Variants in COL4A4 observed in about 807,000 individuals in gnomAD.
COL4A4 encodes collagen alpha-4(IV) chain.
In COL4A4, 105 loss-of-function variants were observed where a neutral mutation model predicts 192.9. That is an observed-to-expected ratio of 0.54 (90% CI 0.46 to 0.64). COL4A4 has a LOEUF of 0.64. Among genes scored for constraint, COL4A4 ranks in the 30% least tolerant of loss-of-function variants. The probability of loss-of-function intolerance (pLI) is 0.00; values close to 1 mark genes in which losing one functional copy is unlikely to be tolerated. For missense variants in COL4A4, 1,967 were observed against 2,169.3 expected (o/e 0.91, Z 1.85); for synonymous variants, 762 against 769.9 (o/e 0.99, Z 0.17).
intron 44 of COL4A4, 39 bp from the exon 45 acceptor site, chr2:227,012,336 A>T: frequency 6.7e-7 from 1 of 1,484,284 alleles, no homozygotes. Context: ...GAAAGCAACC[A>T]TGACACCTGC....
chr2:227,045,062 C>T lies in COL4A4; in HGVS notation c.3290-1878G>A, dbSNP rs79756496. ...TAACATCACAGGCCCCCATTTTGGA[C>T]TACCCTGAGCTTATGAAATCTTCCT... On this transcript the variant is annotated intron_variant, in intron 35 of 47. Transcript: ENST00000396625. Among the ~76,000 whole-genome samples the T allele has an allele frequency of 4.7e-3, 715 of 152,218 alleles. 7 individuals carry two copies. Among genetic ancestry groups the T allele is most frequent in the African/African-American group, 0.016 (673 of 41,552 alleles).
At chr2:226,974,012 G>A in the COL4A4 span, among the ~76,000 whole-genome samples, 1 of 152,120 alleles carries the variant, frequency 6.6e-6, no homozygotes, top group African/African-American at 2.4e-5. Context: ...GCCCCTCACC[G>A]CCTTTCCACA....
At chr2:227,115,026 T>C (rs891116420) in intron 7 of COL4A4, among the ~76,000 whole-genome samples, 1 of 152,046 alleles carries the variant, frequency 6.6e-6, no homozygotes, top group Non-Finnish European at 1.5e-5. Context: ...TGTTAATTTA[T>C]GCCCTAGAAA....
chr2:227,143,230 T>C (rs1559732136), intron 3 of COL4A4, among the ~76,000 whole-genome samples: 1 of 152,196 alleles, frequency 6.6e-6, no homozygotes, highest in Non-Finnish European at 1.5e-5. Flanking sequence ...TAACCAGTTG[T>C]TGTTGAAGGA....
the COL4A4 span, among the ~76,000 whole-genome samples, chr2:226,987,764 A>G: frequency 6.6e-6 from 1 of 152,198 alleles, no homozygotes; most frequent in African/African-American, 2.4e-5. Flanking sequence ...AGCATTTCTC[A>G]GTGACTTGAT....
At chr2:227,055,369 G>A (rs115032402) in intron 30 of COL4A4, among the ~76,000 whole-genome samples, 3,477 of 150,740 alleles carry the variant, frequency 0.023, 139 homozygotes, top group African/African-American at 0.079. Flanking sequence ...AAAATTAGGC[G>A]TGGTGGCACA....
In COL4A4 at chr2:227,031,936, C is replaced by A. The variant is rs13423714; in HGVS notation, c.3817+9G>T. On this transcript the variant is annotated intron_variant, in intron 40 of 47. Coordinates refer to ENST00000396625, the MANE Select transcript of COL4A4 (RefSeq NM_000092.5). ...AGCACTGCCATCCTTTGTCATGATTCTCTCATACCTCTTGGGCCATCAGGA... is the reference window on the plus strand; with the variant it reads ...AGCACTGCCATCCTTTGTCATGATTATCTCATACCTCTTGGGCCATCAGGA... 6.3e-7 allele frequency: 1 copy of A among 1,587,898 alleles called. No homozygotes were observed. Among genetic ancestry groups the A allele is most frequent in the Non-Finnish European group, 8.6e-7 (1 of 1,156,908 alleles).
At chr2:227,034,480 C>T (rs1041388783) in intron 37 of COL4A4, among the ~76,000 whole-genome samples, 5 of 152,080 alleles carry the variant, frequency 3.3e-5, no homozygotes, top group Non-Finnish European at 7.4e-5. Flanking sequence ...TTCTTCCCAG[C>T]CTCTGGTCAA....
the COL4A4 span, among the ~76,000 whole-genome samples, chr2:226,971,571 G>T: frequency 0.015 from 2,271 of 152,280 alleles, 47 homozygotes; most frequent in African/African-American, 0.052. Flanking sequence ...CCACTTTCAG[G>T]TCATAATCCA....
intron 22 of COL4A4, among the ~76,000 whole-genome samples, chr2:227,084,408 T>C (rs1166832444): frequency 6.6e-6 from 1 of 152,192 alleles, no homozygotes; most frequent in Non-Finnish European, 1.5e-5. Context: ...GTCTGAGCAG[T>C]GTATTACTCA....
At chr2:226,972,589 C>T in the COL4A4 span, among the ~76,000 whole-genome samples, 6 of 152,288 alleles carry the variant, frequency 3.9e-5, no homozygotes, top group South Asian at 4.1e-4. Flanking sequence ...GCTTCATGGA[C>T]GGAGCTTCTG....
At chr2:227,007,663 G>T (rs1269529073) in intron 47 of COL4A4, 75 bp from the exon 48 acceptor site, 4 of 1,582,640 alleles carry the variant, frequency 2.5e-6, no homozygotes, top group African/African-American at 2.7e-5. Flanking sequence ...GACACACCCA[G>T]GTTTGGGTCT....
At chr2:227,012,360 G>T in intron 44 of COL4A4, 63 bp from the exon 45 acceptor site, 1 of 1,320,558 alleles carries the variant, frequency 7.6e-7, no homozygotes, top group Non-Finnish European at 1.1e-6. Context: ...CATTTACCGT[G>T]CTTATACCGT....
At position 227,007,160 on chromosome 2, in the gene COL4A4, T is replaced by G. The variant is rs1962315428; in HGVS notation, c.*165A>C. The G allele has an allele frequency of 1.0e-6, 1 of 953,480 alleles. No homozygotes were observed. Among genetic ancestry groups the G allele is most frequent in the South Asian group, 1.4e-5 (1 of 74,060 alleles). The allele number at this position is 953,480 out of a possible 1,614,324, so 59.1% of individuals were successfully genotyped here. ...CAAATCCATCTGTGCAGCATTTGCT[T>G]AATGTGTAAGGAACCAGAGGACTCT... On this transcript the variant is annotated 3_prime_UTR_variant, in exon 48 of 48. Coordinates refer to ENST00000396625, the MANE Select transcript of COL4A4 (RefSeq NM_000092.5).
chr2:227,061,690 G>A (rs753209860), intron 26 of COL4A4, among the ~76,000 whole-genome samples: 7 of 152,180 alleles, frequency 4.6e-5, no homozygotes, highest in African/African-American at 7.2e-5. Context: ...TAATGAACGG[G>A]TAGGGAACTC....
Position 227,007,091 on chromosome 2 carries a change from A to T in COL4A4, c.*234T>A. Reference sequence around the variant, plus strand: ...TAAAGCCAGTTCTTCGATCATCCTCAGTAAAATAAGAGTATCTAGGCTCCC... The same window carrying T: ...TAAAGCCAGTTCTTCGATCATCCTCTGTAAAATAAGAGTATCTAGGCTCCC... On this transcript the variant is annotated 3_prime_UTR_variant, in exon 48 of 48. Coordinates refer to ENST00000396625, the MANE Select transcript of COL4A4 (RefSeq NM_000092.5). 1.6e-6 allele frequency: 1 copy of T among 626,504 alleles called. No individual in the cohort carries two copies. Among genetic ancestry groups the T allele is most frequent in the South Asian group, 1.9e-5 (1 of 53,918 alleles). 38.8% of individuals were successfully genotyped at this position (626,504 alleles called of 1,614,324 possible). A position where few individuals can be genotyped will look rare whatever the true frequency, so the allele number is the denominator to read the frequency against.
intron 10 of COL4A4, 119 bp from the exon 11 acceptor site, chr2:227,108,987 G>T: frequency 9.4e-7 from 1 of 1,067,160 alleles, no homozygotes; most frequent in Non-Finnish European, 1.5e-6. Flanking sequence ...AAAACATGCA[G>T]TGATGGAGTT....
At position 227,004,029 on chromosome 2, in the gene COL4A4, T is replaced by C. The variant is rs1031151752; in HGVS notation, c.*3296A>G. 6.6e-6 allele frequency: 1 copy of C among 152,222 alleles called. No homozygotes were observed. Among genetic ancestry groups the C allele is most frequent in the Non-Finnish European group, 1.5e-5 (1 of 68,038 alleles). The allele number at this position is 152,222 out of a possible 1,614,324, so 9.4% of individuals were successfully genotyped here. A position where few individuals can be genotyped will look rare whatever the true frequency, so the allele number is the denominator to read the frequency against. ...CTTATATGCAGAGCTGAACACCTAA[T>C]GCCTAATGATGTTTATGGAATTGTC... On this transcript the variant is annotated 3_prime_UTR_variant, in exon 48 of 48. Transcript: ENST00000396625.
intron 37 of COL4A4, among the ~76,000 whole-genome samples, chr2:227,041,806 A>AAAGAAAGAAAGAAAGAAAGAGAAAGAAAG: frequency 4.4e-5 from 1 of 22,606 alleles, no homozygotes; most frequent in African/African-American, 2.7e-4. Context: ...GAAAGAAAGG[A>AAAGAAAGAAAGAAAGAAAGAGAAAGAAAG]AGAAAGAAAG....
Sources: allele counts gnomAD v4.1 joint callset (sites outside exome capture counted in the v4.1 genomes callset), GRCh38; gene constraint gnomAD v4.1.1; transcripts MANE v1.5; gene names NCBI Gene and HGNC (gene_info 2026-07-23, HGNC 2026-07-21).